Variants in APLF observed in about 807,000 individuals in gnomAD.
The protein encoded by APLF is aprataxin and PNK-like factor.
A neutral mutation model predicts 55.6 loss-of-function variants in APLF; 61 were observed. That is an observed-to-expected ratio of 1.10 (90% CI 0.89 to 1.36). The LOEUF is 1.36. APLF is among the 40% of genes most tolerant of loss of function. APLF has a pLI of 0.00. For missense variants in APLF, 611 were observed against 602.5 expected (o/e 1.01, Z -0.15); for synonymous variants, 207 against 214.8 (o/e 0.96, Z 0.32).
chr2:68,489,214 C>T (rs145281320), intron 1 of APLF, among the ~76,000 whole-genome samples: 21 of 152,310 alleles, frequency 1.4e-4, no homozygotes, highest in African/African-American at 5.1e-4. Flanking sequence ...TGACTCCTGG[C>T]AGTTTCACAT....
intron 6 of APLF, among the ~76,000 whole-genome samples, chr2:68,528,001 C>T (rs546912184): frequency 1.2e-3 from 179 of 150,742 alleles, no homozygotes; most frequent in African/African-American, 4.1e-3. Flanking sequence ...CAGAGGCGCT[C>T]GTCACTTCCC....
chr2:68,521,653 T>C (rs921837333), intron 5 of APLF, among the ~76,000 whole-genome samples: 2 of 151,894 alleles, frequency 1.3e-5, no homozygotes, highest in Non-Finnish European at 2.9e-5. Context: ...AGGATACTCC[T>C]GGTAGATTGA....
In APLF at chr2:68,513,411, CTTTG is replaced by C. The variant is rs1282988361; in HGVS notation, c.490-134_490-131del. 9 of 1,259,242 alleles carry C rather than the reference CTTTG, an allele frequency of 7.1e-6. 1 individual carries two copies. Among genetic ancestry groups the C allele is most frequent in the East Asian group, 4.7e-5 (2 of 42,866 alleles). The allele number at this position is 1,259,242 out of a possible 1,614,324, so 78.0% of individuals were successfully genotyped here. On this transcript the variant is annotated intron_variant, in intron 4 of 9. Coordinates refer to ENST00000303795, the MANE Select transcript of APLF (RefSeq NM_173545.3). ...ACAGTTAAACTAATAGAAATAATTT[CTTTG>C]TTCAAGAAATTTTATGAACTCAGTC... is the stretch of plus-strand genomic sequence containing the variant.
intron 8 of APLF, among the ~76,000 whole-genome samples, chr2:68,560,530 C>G (rs1308653787): frequency 2.0e-5 from 3 of 151,940 alleles, no homozygotes; most frequent in Admixed American, 6.6e-5. Context: ...TTTAAATAAG[C>G]TATTACCTAA....
chr2:68,484,803 C>G (rs759959601), intron 1 of APLF, among the ~76,000 whole-genome samples: 1 of 151,780 alleles, frequency 6.6e-6, no homozygotes, highest in African/African-American at 2.4e-5. Flanking sequence ...TTGAGACCAG[C>G]CTGGCCAAAA....
chr2:68,518,992 T>C (rs1392082514), intron 5 of APLF, among the ~76,000 whole-genome samples: 16 of 106,374 alleles, frequency 1.5e-4, no homozygotes, highest in African/African-American at 6.5e-4. Context: ...ATACAATATC[T>C]GATAATATAT....
At chr2:68,473,034 A>C (rs1675668733) in intron 1 of APLF, among the ~76,000 whole-genome samples, 1 of 152,094 alleles carries the variant, frequency 6.6e-6, no homozygotes, top group Non-Finnish European at 1.5e-5. Flanking sequence ...TATCACCCAA[A>C]GTTCATGGTT....
chr2:68,567,548 A>G (rs1159679704), intron 9 of APLF, among the ~76,000 whole-genome samples, 161 bp downstream of exon 9: 1 of 152,064 alleles, frequency 6.6e-6, no homozygotes, highest in Non-Finnish European at 1.5e-5. Flanking sequence ...AAAAAACACA[A>G]CTGTGACCCT....
intron 1 of APLF, among the ~76,000 whole-genome samples, chr2:68,482,547 C>T (rs568783524): frequency 6.6e-6 from 1 of 152,220 alleles, no homozygotes; most frequent in African/African-American, 2.4e-5. Flanking sequence ...GGCTACTTCT[C>T]AGGCTGAGGG....
chr2:68,485,548 A>T (rs1251674527), intron 1 of APLF, among the ~76,000 whole-genome samples: 1 of 152,138 alleles, frequency 6.6e-6, no homozygotes, highest in Non-Finnish European at 1.5e-5. Flanking sequence ...GTGGAGTGAT[A>T]CTGAGACTTC....
chr2:68,569,133 C>T (rs2104072160), intron 9 of APLF, among the ~76,000 whole-genome samples: 1 of 152,206 alleles, frequency 6.6e-6, no homozygotes, highest in African/African-American at 2.4e-5. Context: ...GATTCATTTA[C>T]TCACACATTC....
chr2:68,550,154 A>G (rs1475225930), intron 8 of APLF, among the ~76,000 whole-genome samples: 3 of 152,164 alleles, frequency 2.0e-5, no homozygotes, highest in African/African-American at 7.2e-5. Flanking sequence ...TGTCTTTTAT[A>G]AAGAGCATAT....
At chr2:68,504,015 C>A (rs1002531412) in intron 3 of APLF, among the ~76,000 whole-genome samples, 13 of 151,944 alleles carry the variant, frequency 8.6e-5, no homozygotes, top group Non-Finnish European at 1.3e-4. Context: ...GATATCATTA[C>A]TGCTACTACA....
chr2:68,519,043 A>G (rs1407822428), intron 5 of APLF, among the ~76,000 whole-genome samples: 1 of 126,836 alleles, frequency 7.9e-6, no homozygotes, highest in Non-Finnish European at 1.6e-5. Flanking sequence ...TTAATATATA[A>G]TAATATAATA....
chr2:68,517,398 T>C (rs1009365065), intron 5 of APLF, among the ~76,000 whole-genome samples: 4 of 128,952 alleles, frequency 3.1e-5, no homozygotes, highest in Admixed American at 1.6e-4. Context: ...TATTACTATA[T>C]ATTAATATAT....
At chr2:68,561,028 C>A (rs1671154188) in intron 8 of APLF, among the ~76,000 whole-genome samples, 1 of 151,998 alleles carries the variant, frequency 6.6e-6, no homozygotes, top group Admixed American at 6.6e-5. Context: ...GGAAAATATT[C>A]AGCAGGAATT....
chr2:68,527,747 C>T (rs184869529), intron 6 of APLF, among the ~76,000 whole-genome samples: 1,909 of 143,534 alleles, frequency 0.013, 39 homozygotes, highest in African/African-American at 0.047. Flanking sequence ...GTGAGGCAGC[C>T]GGGCAGAGGT....
At chr2:68,570,925 G>C (rs1439260324) in intron 9 of APLF, among the ~76,000 whole-genome samples, 1 of 152,178 alleles carries the variant, frequency 6.6e-6, no homozygotes, top group African/African-American at 2.4e-5. Context: ...GTGTAAAAGT[G>C]TTCTTGTTTC....
At chr2:68,499,082 T>C (rs1216347317) in intron 2 of APLF, among the ~76,000 whole-genome samples, 1 of 152,156 alleles carries the variant, frequency 6.6e-6, no homozygotes, top group East Asian at 1.9e-4. Flanking sequence ...TTTGGGGGTA[T>C]ACATCTATCA....
Sources: allele counts gnomAD v4.1 joint callset (sites outside exome capture counted in the v4.1 genomes callset), GRCh38; gene constraint gnomAD v4.1.1; transcripts MANE v1.5; gene names NCBI Gene and HGNC (gene_info 2026-07-23, HGNC 2026-07-21).